Variants in SSBP2 observed in about 807,000 individuals in gnomAD.
SSBP2 encodes the protein single-stranded DNA-binding protein 2.
Under a neutral mutation model 61.8 loss-of-function variants are expected in SSBP2, and 17 were observed. That is an observed-to-expected ratio of 0.28 (90% CI 0.19 to 0.41). SSBP2 has a LOEUF of 0.41. Ranked by LOEUF, SSBP2 falls within the 10% of genes least tolerant of loss-of-function variation. SSBP2 has a pLI of 1.00. For missense variants in SSBP2, 310 were observed against 458.7 expected (o/e 0.68, Z 2.96); for synonymous variants, 139 against 141.3 (o/e 0.98, Z 0.12).
At chr5:81,486,509 A>G (rs1435974320) in intron 6 of SSBP2, among the ~76,000 whole-genome samples, 1 of 152,176 alleles carries the variant, frequency 6.6e-6, no homozygotes, top group Non-Finnish European at 1.5e-5. Context: ...AGAATTTCAC[A>G]TTTCCCTAAT....
intron 15 of SSBP2, among the ~76,000 whole-genome samples, chr5:81,436,088 T>G (rs1762656960): frequency 6.8e-6 from 1 of 147,956 alleles, no homozygotes. Flanking sequence ...CTCAGGAGGC[T>G]GAGATAGGAG....
At chr5:81,668,418 A>G (rs1048412094) in intron 1 of SSBP2, among the ~76,000 whole-genome samples, 1 of 152,116 alleles carries the variant, frequency 6.6e-6, no homozygotes, top group South Asian at 2.1e-4. Context: ...AAAAATGACT[A>G]GGCTGTAAGA....
In SSBP2 at chr5:81,415,605, A is replaced by G. The variant is rs1761274059; in HGVS notation, c.*4899T>C. ...ATGGAGGGCCAACTCTATTGTACAGAAGACATAAAAAAAAAGGAAAACCTG... is the reference window on the plus strand; with the variant it reads ...ATGGAGGGCCAACTCTATTGTACAGGAGACATAAAAAAAAAGGAAAACCTG... On this transcript the variant is annotated 3_prime_UTR_variant, in exon 17 of 17. Transcript: ENST00000320672. The G allele has an allele frequency of 6.6e-6, 1 of 151,856 alleles. No homozygotes were observed. Among genetic ancestry groups the G allele is most frequent in the Admixed American group, 6.5e-5 (1 of 15,270 alleles). The allele number at this position is 151,856 out of a possible 1,614,324, so 9.4% of individuals were successfully genotyped here. A position where few individuals can be genotyped will look rare whatever the true frequency, so the allele number is the denominator to read the frequency against.
chr5:81,541,089 A>G (rs1250983442), intron 4 of SSBP2, among the ~76,000 whole-genome samples: 4 of 151,280 alleles, frequency 2.6e-5, no homozygotes, highest in African/African-American at 4.8e-5. Context: ...AATTCAATGG[A>G]AAAAAAAATC....
chr5:81,434,376 G>T (rs1311663520), intron 15 of SSBP2, among the ~76,000 whole-genome samples: 1 of 151,964 alleles, frequency 6.6e-6, no homozygotes, highest in African/African-American at 2.4e-5. Context: ...ACCAGGCGAT[G>T]GCCGGGCGCA....
intron 3 of SSBP2, among the ~76,000 whole-genome samples, chr5:81,634,930 C>T (rs547522595): frequency 3.3e-5 from 5 of 152,352 alleles, no homozygotes; most frequent in Middle Eastern, 3.4e-3. Context: ...CCTTCAAATA[C>T]GTCTCTCTCA....
chr5:81,587,432 G>GA (rs1027906365), intron 4 of SSBP2, among the ~76,000 whole-genome samples: 4 of 152,106 alleles, frequency 2.6e-5, no homozygotes, highest in Non-Finnish European at 5.9e-5. Flanking sequence ...TACACGTGGG[G>GA]AAAAAACTAC....
intron 8 of SSBP2, 136 bp downstream of exon 8, chr5:81,473,564 T>C (rs1765391601): frequency 8.1e-6 from 6 of 744,064 alleles, no homozygotes; most frequent in Admixed American, 2.3e-5. Flanking sequence ...GCAAAGGACA[T>C]AATCGCATTC....
chr5:81,507,055 CT>C (rs985200995), intron 5 of SSBP2, among the ~76,000 whole-genome samples: 119 of 151,940 alleles, frequency 7.8e-4, no homozygotes, highest in African/African-American at 2.8e-3. Context: ...TGCGTTATTA[CT>C]ATGTCAAAGC....
chr5:81,436,367 C>G (rs1328351661), intron 15 of SSBP2, among the ~76,000 whole-genome samples: 1 of 151,684 alleles, frequency 6.6e-6, no homozygotes, highest in East Asian at 1.9e-4. Context: ...AAATATTTAT[C>G]TATTTTTAGA....
At chr5:81,693,109 G>A (rs574178454) in intron 1 of SSBP2, among the ~76,000 whole-genome samples, 1 of 151,666 alleles carries the variant, frequency 6.6e-6, no homozygotes, top group East Asian at 1.9e-4. Context: ...GGAGGCCGAG[G>A]CAGGAGAATC....
intron 1 of SSBP2, among the ~76,000 whole-genome samples, chr5:81,667,511 T>C (rs1418919203): frequency 6.6e-6 from 1 of 152,096 alleles, no homozygotes; most frequent in Non-Finnish European, 1.5e-5. Flanking sequence ...GTAAAGCTAC[T>C]ATATGGACTC....
intron 16 of SSBP2, among the ~76,000 whole-genome samples, chr5:81,423,906 T>C (rs1343179415): frequency 6.6e-6 from 1 of 152,210 alleles, no homozygotes; most frequent in Non-Finnish European, 1.5e-5. Flanking sequence ...TTTTTATTTA[T>C]TGCTATCATC....
At chr5:81,709,620 A>G (rs2153927505) in intron 1 of SSBP2, among the ~76,000 whole-genome samples, 1 of 152,074 alleles carries the variant, frequency 6.6e-6, no homozygotes, top group South Asian at 2.1e-4. Context: ...GTCTAATTTG[A>G]GCTCTAAGAA....
At chr5:81,497,165 G>A (rs1444092287) in intron 5 of SSBP2, among the ~76,000 whole-genome samples, 1 of 152,150 alleles carries the variant, frequency 6.6e-6, no homozygotes, top group Non-Finnish European at 1.5e-5. Flanking sequence ...TTTTGGTGGA[G>A]TTTTGACAAT....
At chr5:81,500,943 G>T (rs1439698179) in intron 5 of SSBP2, among the ~76,000 whole-genome samples, 1 of 151,276 alleles carries the variant, frequency 6.6e-6, no homozygotes, top group Non-Finnish European at 1.5e-5. Context: ...GCCAGGCACG[G>T]TGGCTCATGC....
At chr5:81,593,460 G>T (rs1581118767) in intron 4 of SSBP2, among the ~76,000 whole-genome samples, 1 of 152,246 alleles carries the variant, frequency 6.6e-6, no homozygotes, top group South Asian at 2.1e-4. Flanking sequence ...ACCAAGGCAG[G>T]CCAACATTCA....
At chr5:81,506,354 G>A (rs1307327808) in intron 5 of SSBP2, among the ~76,000 whole-genome samples, 1 of 151,818 alleles carries the variant, frequency 6.6e-6, no homozygotes, top group Non-Finnish European at 1.5e-5. Flanking sequence ...TATTTCTAAC[G>A]TCTGAATTTT....
chr5:81,702,519 C>A (rs1219399859), intron 1 of SSBP2, among the ~76,000 whole-genome samples: 1 of 152,110 alleles, frequency 6.6e-6, no homozygotes, highest in African/African-American at 2.4e-5. Context: ...CCAAAATAGG[C>A]ATCGGAAAAT....
Sources: allele counts gnomAD v4.1 joint callset (sites outside exome capture counted in the v4.1 genomes callset), GRCh38; gene constraint gnomAD v4.1.1; transcripts MANE v1.5; gene names NCBI Gene and HGNC (gene_info 2026-07-23, HGNC 2026-07-21).